The following SCAPER variants were observed in gnomAD, a reference collection of about 807,000 sequenced individuals.
The protein encoded by SCAPER is S phase cyclin A-associated protein in the endoplasmic reticulum.
A neutral mutation model predicts 182.2 loss-of-function variants in SCAPER; 98 were observed. The observed-to-expected ratio is 0.54, with a 90% CI of 0.46 to 0.64. The LOEUF is 0.64. SCAPER is among the 30% of genes least tolerant of loss of function. The pLI is 0.00. For synonymous variants in SCAPER, 605 were observed against 564.6 expected, an observed-to-expected ratio of 1.07 and a Z score of -1.01; for missense variants, 1,432 against 1,690.0, an observed-to-expected ratio of 0.85 and a Z score of 2.68.
chr15:76,559,379 G>A (rs2046435591), intron 23 of SCAPER, among the ~76,000 whole-genome samples: 1 of 151,742 alleles, frequency 6.6e-6, no homozygotes, highest in Non-Finnish European at 1.5e-5. Context: ...TTTATAAGGG[G>A]CTCTTTCCCC....
intron 28 of SCAPER, chr15:76,380,397 A>G (rs1263860355): frequency 1.3e-5 from 2 of 152,096 alleles, no homozygotes; most frequent in African/African-American, 4.8e-5. Context: ...AAGATACTAG[A>G]TCCAATGATA....
intron 4 of SCAPER, among the ~76,000 whole-genome samples, chr15:76,856,453 T>A (rs953457790): frequency 6.6e-6 from 1 of 151,288 alleles, no homozygotes; most frequent in Non-Finnish European, 1.5e-5. Context: ...AATATATACA[T>A]GTATATGTGT....
intron 23 of SCAPER, among the ~76,000 whole-genome samples, chr15:76,572,551 A>C (rs959528210): frequency 4.6e-5 from 7 of 152,194 alleles, no homozygotes; most frequent in Admixed American, 6.5e-5. Flanking sequence ...GTTGAGCACT[A>C]TCTTGCAAAG....
chr15:76,821,751 T>G (rs1230058518), intron 5 of SCAPER, among the ~76,000 whole-genome samples: 3 of 151,790 alleles, frequency 2.0e-5, no homozygotes, highest in Non-Finnish European at 4.4e-5. Context: ...ACTAAAAAAT[T>G]TTTAAAAATT....
In SCAPER at chr15:76,598,179, C is replaced by T. The variant is rs544180641; in HGVS notation, c.2711+23585G>A. ...CACTTCTCAAAAGAAGACATTTATG[C>T]GGCCAACAAACATGAAAAAAGGCTC... On this transcript the variant is annotated intron_variant, in intron 22 of 31. Transcript: ENST00000563290. 1.5e-4 allele frequency among the ~76,000 whole-genome samples: 18 copies of T among 120,322 alleles called. 5 individuals carry two copies. The South Asian group carries it at 2.0e-3, about 14-fold the overall frequency. 78.9% of individuals were successfully genotyped at this position (120,322 alleles called of 152,430 possible). A position where few individuals can be genotyped will look rare whatever the true frequency, so the allele number is the denominator to read the frequency against.
chr15:76,461,764 T>A (rs1386285759), intron 25 of SCAPER, among the ~76,000 whole-genome samples: 1 of 152,172 alleles, frequency 6.6e-6, no homozygotes, highest in Non-Finnish European at 1.5e-5. Context: ...ATAATGCACA[T>A]CTTCTTTCTC....
chr15:76,546,259 C>G (rs139309675), intron 23 of SCAPER, among the ~76,000 whole-genome samples: 1 of 151,984 alleles, frequency 6.6e-6, no homozygotes, highest in East Asian at 1.9e-4. Context: ...TTGAGTACCA[C>G]TCCTTTTTAA....
Position 76,719,859 on chromosome 15 carries a change from A to G in SCAPER, c.2165+8736T>C, listed in dbSNP as rs2060103816. ...CGTAGAAAACGCTAAAAAAAATCTA[A>G]GATTAATTATTAGAATGCTTAACAG... On this transcript the variant is annotated intron_variant, in intron 17 of 31. Transcript: ENST00000563290. Among the ~76,000 whole-genome samples, 3 of 152,162 alleles carry G rather than the reference A, an allele frequency of 2.0e-5. No homozygotes were observed. In the South Asian group the frequency reaches 6.2e-4, roughly 31 times the overall value.
At chr15:76,757,186 T>C (rs2062492502) in intron 14 of SCAPER, among the ~76,000 whole-genome samples, 1 of 152,198 alleles carries the variant, frequency 6.6e-6, no homozygotes, top group Admixed American at 6.5e-5. Context: ...TTGTTTTTTG[T>C]TAACTACAGT....
At chr15:76,717,793 T>C (rs919593430) in intron 17 of SCAPER, among the ~76,000 whole-genome samples, 13 of 152,050 alleles carry the variant, frequency 8.5e-5, no homozygotes, top group Admixed American at 2.0e-4. Context: ...ACTAAAACTA[T>C]AAAGCAAATA....
chr15:76,403,844 A>T (rs563939444), intron 27 of SCAPER, among the ~76,000 whole-genome samples: 1 of 152,288 alleles, frequency 6.6e-6, no homozygotes, highest in South Asian at 2.1e-4. Context: ...GGAGAAGACA[A>T]GAAGACCCAG....
At chr15:76,781,147 G>A (rs908384761) in intron 8 of SCAPER, among the ~76,000 whole-genome samples, 3 of 152,138 alleles carry the variant, frequency 2.0e-5, no homozygotes, top group Non-Finnish European at 4.4e-5. Flanking sequence ...TTGAAAAAAG[G>A]TTCCACGAAT....
intron 20 of SCAPER, among the ~76,000 whole-genome samples, chr15:76,668,840 A>C (rs979567897): frequency 6.6e-6 from 1 of 152,230 alleles, no homozygotes; most frequent in Non-Finnish European, 1.5e-5. Flanking sequence ...GAGTCAATGT[A>C]ATAACAACTA....
chr15:76,668,164 T>C (rs1414052643), intron 20 of SCAPER, among the ~76,000 whole-genome samples: 1 of 152,214 alleles, frequency 6.6e-6, no homozygotes. Context: ...CAGCAAATCC[T>C]ATCAGTTCTC....
intron 23 of SCAPER, among the ~76,000 whole-genome samples, chr15:76,547,554 T>A (rs1367122828): frequency 6.6e-6 from 1 of 152,136 alleles, no homozygotes; most frequent in Non-Finnish European, 1.5e-5. Context: ...GATCTCAAAT[T>A]CTTTTCTACC....
At chr15:76,449,149 A>G (rs534443232) in intron 25 of SCAPER, among the ~76,000 whole-genome samples, 1 of 152,320 alleles carries the variant, frequency 6.6e-6, no homozygotes, top group African/African-American at 2.4e-5. Context: ...TCAAAATAAT[A>G]TCATTTATTT....
intron 29 of SCAPER, among the ~76,000 whole-genome samples, chr15:76,360,861 A>T (rs753874232): frequency 1.2e-4 from 19 of 152,108 alleles, no homozygotes; most frequent in Non-Finnish European, 2.5e-4. Flanking sequence ...CATGACTCTA[A>T]ATTAGTACTG....
At chr15:76,536,516 G>C (rs984835598) in intron 23 of SCAPER, among the ~76,000 whole-genome samples, 9 of 152,168 alleles carry the variant, frequency 5.9e-5, no homozygotes, top group African/African-American at 2.2e-4. Flanking sequence ...TATTACAAAA[G>C]TGTTACAAGA....
intron 23 of SCAPER, among the ~76,000 whole-genome samples, chr15:76,522,104 C>T (rs2042880435): frequency 6.6e-6 from 1 of 152,130 alleles, no homozygotes; most frequent in Non-Finnish European, 1.5e-5. Flanking sequence ...TTATACGTTC[C>T]TATTCATCAA....
Sources: gnomAD v4.1 joint callset for allele counts (sites outside exome capture counted in the v4.1 genomes callset) on GRCh38, gnomAD v4.1.1 for gene constraint, MANE v1.5 for transcripts, NCBI Gene and HGNC (gene_info 2026-07-23, HGNC 2026-07-21) for gene names.